CLSTN2: variants seen among roughly 807,000 people sequenced by gnomAD.
CLSTN2 encodes the protein calsyntenin 2.
Under a neutral mutation model 101.2 loss-of-function variants are expected in CLSTN2, and 48 were observed. That is an observed-to-expected ratio of 0.47 (90% CI 0.38 to 0.60). CLSTN2 has a LOEUF of 0.60. Among genes scored for constraint, CLSTN2 ranks in the 20% least tolerant of loss-of-function variants. The probability of loss-of-function intolerance (pLI) is 0.00; values close to 1 mark genes in which losing one functional copy is unlikely to be tolerated. For missense variants in CLSTN2, 1,160 were observed against 1,238.2 expected (o/e 0.94, Z 0.95); for synonymous variants, 481 against 463.6 (o/e 1.04, Z -0.48).
chr3:140,154,738 G>A (rs371422447), intron 1 of CLSTN2, among the ~76,000 whole-genome samples: 59 of 136,982 alleles, frequency 4.3e-4, no homozygotes, highest in South Asian at 1.5e-3. Flanking sequence ...TCTGCCTCCC[G>A]GGTTCACGCC....
At chr3:140,302,294 C>T (rs2087067850) in intron 2 of CLSTN2, among the ~76,000 whole-genome samples, 1 of 152,138 alleles carries the variant, frequency 6.6e-6, no homozygotes, top group Non-Finnish European at 1.5e-5. Flanking sequence ...CTGGAGACCA[C>T]TTGTTAACTG....
intron 1 of CLSTN2, among the ~76,000 whole-genome samples, chr3:140,073,919 A>G (rs767282632): frequency 1.3e-5 from 2 of 152,110 alleles, no homozygotes; most frequent in Admixed American, 6.5e-5. Context: ...AACTCAGTCC[A>G]TTCTGCCCTG....
chr3:140,287,533 A>G (rs999089078), intron 2 of CLSTN2, among the ~76,000 whole-genome samples: 1 of 152,180 alleles, frequency 6.6e-6, no homozygotes, highest in Non-Finnish European at 1.5e-5. Context: ...TTCTACTTCA[A>G]TTATACCTCA....
intron 2 of CLSTN2, among the ~76,000 whole-genome samples, chr3:140,346,175 T>C (rs1040687790): frequency 6.6e-6 from 1 of 152,234 alleles, no homozygotes; most frequent in Non-Finnish European, 1.5e-5. Context: ...TCTCTTTATC[T>C]GAAAGGTGTG....
intron 1 of CLSTN2, among the ~76,000 whole-genome samples, chr3:140,012,764 G>A (rs1319103653): frequency 6.6e-6 from 1 of 152,216 alleles, no homozygotes; most frequent in African/African-American, 2.4e-5. Context: ...CATAGATCCT[G>A]CTGGGTAAGC....
In CLSTN2 at chr3:140,027,640, A is replaced by G. The variant is rs547088998; in HGVS notation, c.109+92157A>G. Among the ~76,000 whole-genome samples the G allele has an allele frequency of 2.6e-4, 40 of 152,290 alleles. 1 individual carries two copies. The South Asian group carries it at 8.1e-3, about 31-fold the overall frequency. On this transcript the variant is annotated intron_variant, in intron 1 of 16. Transcript: ENST00000458420. ...CATCCTCAATCAGTGTGAAGGCATC[A>G]TCCTGAGAACTGGAGTTCAGGTCTG...
chr3:140,469,576 T>G (rs1208654882), intron 8 of CLSTN2, among the ~76,000 whole-genome samples: 1 of 152,152 alleles, frequency 6.6e-6, no homozygotes, highest in Non-Finnish European at 1.5e-5. Context: ...GCCTCTCTTC[T>G]CTGCTCCCCA....
chr3:140,413,302 T>C (rs376534102), intron 4 of CLSTN2, among the ~76,000 whole-genome samples: 3 of 151,956 alleles, frequency 2.0e-5, no homozygotes, highest in African/African-American at 4.8e-5. Flanking sequence ...CTAGGAAAAA[T>C]AGATAAGTTC....
chr3:140,178,025 C>A (rs2010350905), intron 2 of CLSTN2, among the ~76,000 whole-genome samples: 1 of 151,852 alleles, frequency 6.6e-6, no homozygotes, highest in African/African-American at 2.4e-5. Flanking sequence ...TCAAATATGA[C>A]AGAGAAAAAT....
chr3:140,514,264 T>C (rs902023664), intron 8 of CLSTN2, among the ~76,000 whole-genome samples: 10 of 152,120 alleles, frequency 6.6e-5, no homozygotes, highest in Non-Finnish European at 1.5e-5. Flanking sequence ...CTGTGCCCAA[T>C]ATGTACTCTT....
At chr3:140,214,739 A>G (rs1263960741) in intron 2 of CLSTN2, among the ~76,000 whole-genome samples, 4 of 152,216 alleles carry the variant, frequency 2.6e-5, no homozygotes, top group Admixed American at 1.3e-4. Context: ...CATGTGGCAG[A>G]CAGCTTTGAG....
chr3:140,413,947 C>T (rs1486379668), intron 4 of CLSTN2, among the ~76,000 whole-genome samples: 2 of 152,004 alleles, frequency 1.3e-5, no homozygotes, highest in Non-Finnish European at 2.9e-5. Context: ...CATCATACTC[C>T]ACGGTGAAAA....
At chr3:140,348,349 C>G (rs1311957629) in intron 2 of CLSTN2, among the ~76,000 whole-genome samples, 2 of 152,152 alleles carry the variant, frequency 1.3e-5, no homozygotes, top group African/African-American at 2.4e-5. Flanking sequence ...CTTAAAAGGG[C>G]TTTTTCTTGC....
At position 140,556,619 on chromosome 3, in the gene CLSTN2, C is replaced by CA; in HGVS notation, c.1783dup (p.Thr595AsnfsTer26). 6.2e-7 allele frequency: 1 copy of CA among 1,614,092 alleles called. No homozygotes were observed. The highest frequency in any genetic ancestry group is 8.5e-7 in the Non-Finnish European group (1 of 1,179,984). On this transcript the variant is annotated frameshift_variant, in exon 11 of 17. Transcript: ENST00000458420. LOFTEE classifies it high-confidence loss of function. ...TCCTACATCAACTCCAGGCAGTTCC[C>CA]AACGGCGGGTGTGCGGCGCCTCAAA...
chr3:140,046,769 A>G (rs2107766391), intron 1 of CLSTN2, among the ~76,000 whole-genome samples: 1 of 152,250 alleles, frequency 6.6e-6, no homozygotes, highest in Middle Eastern at 3.4e-3. Flanking sequence ...TCCTTCACTT[A>G]TGAAGCTTAG....
chr3:140,009,061 A>G (rs945786375), intron 1 of CLSTN2, among the ~76,000 whole-genome samples: 1 of 152,244 alleles, frequency 6.6e-6, no homozygotes, highest in East Asian at 1.9e-4. Flanking sequence ...TATTTAACTA[A>G]TGTGCAGTGT....
chr3:139,987,682 C>T (rs1017188546), intron 1 of CLSTN2, among the ~76,000 whole-genome samples: 1 of 152,136 alleles, frequency 6.6e-6, no homozygotes, highest in African/African-American at 2.4e-5. Context: ...ATTTAATCAC[C>T]TCAGGTAGTA....
intron 2 of CLSTN2, among the ~76,000 whole-genome samples, chr3:140,176,817 A>G (rs1244536707): frequency 6.6e-6 from 1 of 152,234 alleles, no homozygotes; most frequent in African/African-American, 2.4e-5. Flanking sequence ...TTAACATTTT[A>G]TAACTGTCCG....
intron 2 of CLSTN2, among the ~76,000 whole-genome samples, chr3:140,180,632 G>A (rs760636727): frequency 2.6e-4 from 39 of 152,118 alleles, no homozygotes; most frequent in Non-Finnish European, 8.8e-5. Context: ...AATTTCAAGG[G>A]AATTAGATTG....
Sources: gnomAD v4.1 joint callset for allele counts (sites outside exome capture counted in the v4.1 genomes callset) on GRCh38, gnomAD v4.1.1 for gene constraint, MANE v1.5 for transcripts, NCBI Gene and HGNC (gene_info 2026-07-23, HGNC 2026-07-21) for gene names.